The following DLC1 variants were observed in gnomAD, a reference collection of about 807,000 sequenced individuals.
DLC1 encodes rho GTPase-activating protein 7.
A neutral mutation model predicts 140.3 loss-of-function variants in DLC1; 54 were observed. The ratio of observed to expected loss-of-function variants is 0.38; its 90% CI spans 0.31 to 0.48. DLC1 has a LOEUF of 0.48. Among genes scored for constraint, DLC1 ranks in the 20% least tolerant of loss-of-function variants. DLC1 has a pLI of 0.96. For synonymous variants in DLC1, 986 were observed against 728.1 expected (o/e 1.35, Z -5.70); for missense variants, 2,536 against 1,907.0 (o/e 1.33, Z -6.14).
intron 2 of DLC1, among the ~76,000 whole-genome samples, chr8:13,490,475 G>A (rs548543487): frequency 7.2e-5 from 11 of 152,284 alleles, no homozygotes; most frequent in African/African-American, 2.4e-4. Context: ...AAGAACATGA[G>A]CCAGAAAAAC....
chr8:13,085,606 T>A lies in DLC1; in HGVS notation c.*205A>T. ...TTTTTTTTTTTTGCACAGTCTTACA[T>A]ATTCCAGTCAAGGTCTATGAATACA... On this transcript the variant is annotated 3_prime_UTR_variant, in exon 18 of 18. Transcript: ENST00000276297. 4 of 582,516 alleles carry A rather than the reference T, an allele frequency of 6.9e-6. No homozygotes were observed. Among genetic ancestry groups the A allele is most frequent in the Non-Finnish European group, 1.1e-5 (4 of 368,048 alleles). The allele number at this position is 582,516 out of a possible 1,614,324, so 36.1% of individuals were successfully genotyped here.
At chr8:13,379,555 T>C (rs1424408345) in intron 4 of DLC1, among the ~76,000 whole-genome samples, 1 of 152,160 alleles carries the variant, frequency 6.6e-6, no homozygotes, top group Non-Finnish European at 1.5e-5. Flanking sequence ...ACATATTGCT[T>C]TTGCATCAGG....
chr8:13,308,111 A>T (rs1744913800), intron 4 of DLC1, among the ~76,000 whole-genome samples: 2 of 152,220 alleles, frequency 1.3e-5, no homozygotes, highest in Admixed American at 6.5e-5. Flanking sequence ...ATTTTATTTG[A>T]TTTCAAAAGT....
chr8:13,552,793 T>G (rs1217650615), intron 1 of DLC1, among the ~76,000 whole-genome samples: 2 of 152,006 alleles, frequency 1.3e-5, no homozygotes, highest in East Asian at 3.9e-4. Context: ...AACTCACATG[T>G]ATTGTCATAT....
At chr8:13,289,322 C>T (rs1831665625) in intron 5 of DLC1, among the ~76,000 whole-genome samples, 1 of 152,138 alleles carries the variant, frequency 6.6e-6, no homozygotes, top group Admixed American at 6.6e-5. Flanking sequence ...TCCAGAGTAG[C>T]TAGGACTACA....
intron 1 of DLC1, chr8:13,566,921 G>C: frequency 1.4e-6 from 2 of 1,461,836 alleles, no homozygotes; most frequent in Non-Finnish European, 1.8e-6. Context: ...GGAGGGGTCA[G>C]CTCCTGACGG....
At chr8:13,210,078 G>GT (rs1827866367) in intron 5 of DLC1, among the ~76,000 whole-genome samples, 1 of 152,082 alleles carries the variant, frequency 6.6e-6, no homozygotes, top group African/African-American at 2.4e-5. Context: ...GAGAGGAAAT[G>GT]TTTTTTTCTT....
intron 4 of DLC1, among the ~76,000 whole-genome samples, chr8:13,307,546 CT>C (rs1316549352): frequency 1.3e-5 from 2 of 152,160 alleles, no homozygotes; most frequent in Non-Finnish European, 2.9e-5. Flanking sequence ...AAATTTACCC[CT>C]GATTGGGGGT....
chr8:13,320,631 G>A (rs1294307245), intron 4 of DLC1, among the ~76,000 whole-genome samples: 3 of 152,088 alleles, frequency 2.0e-5, no homozygotes, highest in African/African-American at 2.4e-5. Flanking sequence ...TTTGGGTCAT[G>A]GGGTGATCTC....
intron 2 of DLC1, among the ~76,000 whole-genome samples, chr8:13,416,443 G>C (rs1332356132): frequency 6.6e-6 from 1 of 151,958 alleles, no homozygotes; most frequent in Non-Finnish European, 1.5e-5. Flanking sequence ...ACATATAAAA[G>C]ATATATATTT....
chr8:13,091,961 A>T (rs529091739), intron 13 of DLC1, among the ~76,000 whole-genome samples: 1 of 152,294 alleles, frequency 6.6e-6, no homozygotes, highest in Non-Finnish European at 1.5e-5. Flanking sequence ...AACTATTTAA[A>T]TGTGGCCGGG....
intron 2 of DLC1, among the ~76,000 whole-genome samples, chr8:13,426,797 C>A (rs1030571986): frequency 6.6e-6 from 1 of 152,010 alleles, no homozygotes; most frequent in African/African-American, 2.4e-5. Context: ...ATTTTTCCTT[C>A]TCTTCTTTAA....
intron 2 of DLC1, among the ~76,000 whole-genome samples, chr8:13,414,428 A>G (rs80349979): frequency 2.4e-3 from 371 of 152,336 alleles, no homozygotes; most frequent in African/African-American, 8.6e-3. Context: ...CACTCTCAAT[A>G]TGTTGAATCC....
chr8:13,268,300 A>T (rs1464884548), intron 5 of DLC1, among the ~76,000 whole-genome samples: 1 of 152,196 alleles, frequency 6.6e-6, no homozygotes. Flanking sequence ...TTCATTAAGG[A>T]TGATGCACTA....
intron 1 of DLC1, among the ~76,000 whole-genome samples, chr8:13,577,918 A>T (rs1479507929): frequency 6.6e-6 from 1 of 152,122 alleles, no homozygotes; most frequent in Non-Finnish European, 1.5e-5. Context: ...GATTAAAATT[A>T]AGTCCTTGGA....
chr8:13,186,705 T>G (rs1219360989), intron 5 of DLC1, among the ~76,000 whole-genome samples: 1 of 152,262 alleles, frequency 6.6e-6, no homozygotes, highest in Non-Finnish European at 1.5e-5. Flanking sequence ...GGCAAGGAGC[T>G]GCAGTCCTTT....
chr8:13,095,437 T>C (rs570688206), intron 10 of DLC1, 192 bp from the exon 11 acceptor site: 1 of 646,572 alleles, frequency 1.5e-6, no homozygotes, highest in African/African-American at 1.8e-5. Flanking sequence ...TGCTCCTTCA[T>C]CTTTTGTGCT....
In DLC1 at chr8:13,431,482, C is replaced by CAAAAAAAAAAAAAAAAA. The variant is rs56057254; in HGVS notation, c.1024-29880_1024-29864dup. On this transcript the variant is annotated intron_variant, in intron 2 of 17. Coordinates refer to ENST00000276297, the MANE Select transcript of DLC1 (RefSeq NM_182643.3). ...TGGGCCACAGAGCGAGACTCCGTCT[C>CAAAAAAAAAAAAAAAAA]AAAAAAAAAAAAAAAAAAAAAAAAA... 7.4e-5 allele frequency among the ~76,000 whole-genome samples: 3 copies of CAAAAAAAAAAAAAAAAA among 40,606 alleles called. 1 individual carries two copies. Among genetic ancestry groups the CAAAAAAAAAAAAAAAAA allele is most frequent in the African/African-American group, 2.3e-4 (2 of 8,676 alleles). The allele number at this position is 40,606 out of a possible 152,430, so 26.6% of individuals were successfully genotyped here. A position where few individuals can be genotyped will look rare whatever the true frequency, so the allele number is the denominator to read the frequency against.
At chr8:13,223,084 T>A (rs1482538311) in intron 5 of DLC1, among the ~76,000 whole-genome samples, 2 of 152,110 alleles carry the variant, frequency 1.3e-5, no homozygotes, top group African/African-American at 4.8e-5. Flanking sequence ...GTTCTATCGG[T>A]TATTAGTTAT....
Sources: allele counts gnomAD v4.1 joint callset (sites outside exome capture counted in the v4.1 genomes callset), GRCh38; gene constraint gnomAD v4.1.1; transcripts MANE v1.5; gene names NCBI Gene and HGNC (gene_info 2026-07-23, HGNC 2026-07-21).